The following SETD5 variants were observed in gnomAD, a reference collection of about 807,000 sequenced individuals.
SETD5 encodes SET domain containing 5, also known as histone-lysine N-methyltransferase SETD5.
In SETD5, 44 loss-of-function variants were observed where a neutral mutation model predicts 153.3. The ratio of observed to expected loss-of-function variants is 0.29; its 90% CI spans 0.23 to 0.37. The LOEUF (loss-of-function observed/expected upper bound fraction) is 0.37. Among genes scored for constraint, SETD5 ranks in the 10% least tolerant of loss-of-function variants. The pLI is 1.00. For missense variants in SETD5, 1,544 were observed against 1,768.0 expected (o/e 0.87, Z 2.27); for synonymous variants, 716 against 645.2 (o/e 1.11, Z -1.66).
At chr3:9,446,945 T>C in intron 13 of SETD5, 105 bp from the exon 14 acceptor site, 1 of 716,890 alleles carries the variant, frequency 1.4e-6, no homozygotes, top group East Asian at 2.7e-5. Context: ...ATCTTACTGG[T>C]AGTTAAATGA....
rs6779961 is a variant in SETD5, at chr3:9,474,515, C to T, written c.3564C>T (p.Ser1188=). The part of the protein sequence containing the change: ...GGSIPKVLRS[S]VRVAQKGEPS... ...GCATCCCCAAGGTCCTCCGAAGCAGCGTGAGGGTGGCCCAAAAGGGAGAGC... is the reference window on the plus strand; with the variant it reads ...GCATCCCCAAGGTCCTCCGAAGCAGTGTGAGGGTGGCCCAAAAGGGAGAGC... Residue 1188 remains serine, a synonymous_variant, in exon 21 of 23, where the codon AGC becomes AGT. Coordinates refer to ENST00000402198, the MANE Select transcript of SETD5 (RefSeq NM_001080517.3). The T allele has an allele frequency of 3.9e-3, 6,221 of 1,613,774 alleles. 182 individuals are homozygous for T. In the African/African-American group the frequency reaches 0.068, roughly 18 times the overall value.
intron 1 of SETD5, among the ~76,000 whole-genome samples, chr3:9,418,262 C>G (rs993770238): frequency 2.0e-5 from 3 of 152,178 alleles, no homozygotes; most frequent in African/African-American, 7.2e-5. Flanking sequence ...CTCAAATCTT[C>G]TAGTTTATTT....
chr3:9,416,395 G>T (rs1356375384), intron 1 of SETD5, among the ~76,000 whole-genome samples: 1 of 152,128 alleles, frequency 6.6e-6, no homozygotes, highest in Non-Finnish European at 1.5e-5. Context: ...TTGGCATATA[G>T]CAAATATAGG....
intron 17 of SETD5, among the ~76,000 whole-genome samples, chr3:9,461,481 G>A (rs959427918): frequency 2.6e-5 from 4 of 152,062 alleles, no homozygotes; most frequent in Admixed American, 6.6e-5. Context: ...TGTATGTGCT[G>A]TATAACCTTG....
intron 1 of SETD5, among the ~76,000 whole-genome samples, chr3:9,404,413 G>A (rs1228490758): frequency 2.6e-5 from 4 of 152,122 alleles, no homozygotes; most frequent in African/African-American, 9.7e-5. Flanking sequence ...AAGAAATTTT[G>A]AGTAATTAAT....
At chr3:9,412,393 T>TTG (rs1553607020) in intron 1 of SETD5, among the ~76,000 whole-genome samples, 1 of 135,950 alleles carries the variant, frequency 7.4e-6, no homozygotes, top group Non-Finnish European at 1.6e-5. Flanking sequence ...TTGGGTTTTT[T>TTG]TTTTTTTTTT....
chr3:9,431,844 A>C (rs1006860534), intron 3 of SETD5: 36 of 437,256 alleles, frequency 8.2e-5, no homozygotes, highest in Non-Finnish European at 2.7e-5. Context: ...ACCAAAAAAA[A>C]ATCCATTCCT....
intron 3 of SETD5, chr3:9,432,382 G>A (rs1403549191): frequency 3.3e-6 from 2 of 609,118 alleles, no homozygotes; most frequent in Non-Finnish European, 4.1e-6. Flanking sequence ...AATTGACATT[G>A]CACCACATTG....
intron 7 of SETD5, among the ~76,000 whole-genome samples, chr3:9,439,173 A>G (rs991117173): frequency 2.4e-4 from 37 of 152,156 alleles, no homozygotes; most frequent in African/African-American, 8.0e-4. Context: ...CTTTTGCGCA[A>G]CTGCTACTGA....
At chr3:9,465,156 T>C (rs557103833) in intron 18 of SETD5, among the ~76,000 whole-genome samples, 5 of 152,310 alleles carry the variant, frequency 3.3e-5, no homozygotes, top group Middle Eastern at 3.4e-3. Flanking sequence ...TTAGAAAACA[T>C]TGGGGTATGG....
intron 1 of SETD5, among the ~76,000 whole-genome samples, chr3:9,419,168 C>T (rs563261837): frequency 5.3e-5 from 8 of 152,170 alleles, no homozygotes; most frequent in Non-Finnish European, 1.2e-4. Flanking sequence ...TGTATAAATG[C>T]AGTACTTGGC....
chr3:9,419,264 G>A (rs2038020077), intron 1 of SETD5, among the ~76,000 whole-genome samples: 2 of 152,148 alleles, frequency 1.3e-5, no homozygotes, highest in Admixed American at 1.3e-4. Flanking sequence ...ACTTAACATA[G>A]TAATATATGT....
intron 3 of SETD5, chr3:9,429,738 C>T: frequency 1.2e-6 from 1 of 865,910 alleles, no homozygotes; most frequent in Non-Finnish European, 1.5e-6. Context: ...TGTATCCCTT[C>T]TCTTTTAAGT....
chr3:9,414,393 G>A (rs1399622379), intron 1 of SETD5, among the ~76,000 whole-genome samples: 1 of 152,018 alleles, frequency 6.6e-6, no homozygotes, highest in Non-Finnish European at 1.5e-5. Context: ...GAGTGTGTGT[G>A]TGTGTTGTTG....
intron 20 of SETD5, among the ~76,000 whole-genome samples, chr3:9,473,888 C>A (rs2045590477): frequency 6.6e-6 from 1 of 152,180 alleles, no homozygotes; most frequent in Non-Finnish European, 1.5e-5. Flanking sequence ...CATGAATTAA[C>A]AACAGATGTC....
At chr3:9,433,585 G>A (rs2040216006) in intron 3 of SETD5, 2 of 1,286,842 alleles carry the variant, frequency 1.6e-6, no homozygotes, top group Non-Finnish European at 2.0e-6. Flanking sequence ...TTGTCATTAG[G>A]GACACCTTGT....
intron 1 of SETD5, among the ~76,000 whole-genome samples, chr3:9,423,786 T>C (rs1179262847): frequency 6.6e-6 from 1 of 152,184 alleles, no homozygotes; most frequent in Non-Finnish European, 1.5e-5. Context: ...CTTTAAGGTG[T>C]TAATAACTCT....
rs2125637308 is a variant in SETD5, at chr3:9,476,808, A to G, written c.*717A>G. Reference sequence around the variant, plus strand: ...TAGATTGTCTGAGCCTCCAACTGTTACCATCCTACTCCCCCTTCCCAAGCT... The same window carrying G: ...TAGATTGTCTGAGCCTCCAACTGTTGCCATCCTACTCCCCCTTCCCAAGCT... On this transcript the variant is annotated 3_prime_UTR_variant, in exon 23 of 23. Transcript: ENST00000402198. 1 of 152,640 alleles carries G rather than the reference A, an allele frequency of 6.6e-6. No homozygotes were observed. The highest frequency in any genetic ancestry group is 1.5e-5 in the Non-Finnish European group (1 of 68,038). The allele number at this position is 152,640 out of a possible 1,614,324, so 9.5% of individuals were successfully genotyped here. A position where few individuals can be genotyped will look rare whatever the true frequency, so the allele number is the denominator to read the frequency against.
At chr3:9,418,500 A>G (rs779779419) in intron 1 of SETD5, among the ~76,000 whole-genome samples, 2 of 152,182 alleles carry the variant, frequency 1.3e-5, no homozygotes, top group South Asian at 2.1e-4. Context: ...CTAAGATCTA[A>G]TATTTAGTGT....
Sources: allele counts gnomAD v4.1 joint callset (sites outside exome capture counted in the v4.1 genomes callset), GRCh38; gene constraint gnomAD v4.1.1; transcripts MANE v1.5; gene names NCBI Gene and HGNC (gene_info 2026-07-23, HGNC 2026-07-21).